Variants in ERO1B observed in about 807,000 individuals in gnomAD.
The protein encoded by ERO1B is ERO1-like protein beta.
Under a neutral mutation model 75.3 loss-of-function variants are expected in ERO1B, and 49 were observed. The observed-to-expected ratio is 0.65, with a 90% CI of 0.52 to 0.83. The LOEUF is 0.83. Among genes scored for constraint, ERO1B ranks in the 40% least tolerant of loss-of-function variants. ERO1B has a pLI of 0.00. For synonymous variants in ERO1B, 191 were observed against 192.9 expected, an observed-to-expected ratio of 0.99 and a Z score of 0.08; for missense variants, 512 against 560.1, an observed-to-expected ratio of 0.91 and a Z score of 0.87.
chr1:236,260,810 A>C (rs924533718), intron 2 of ERO1B, among the ~76,000 whole-genome samples: 1 of 152,108 alleles, frequency 6.6e-6, no homozygotes, highest in Non-Finnish European at 1.5e-5. Flanking sequence ...TTAGAAAGCC[A>C]GTATTTACCC....
chr1:236,254,616 T>A (rs539533963), intron 2 of ERO1B, among the ~76,000 whole-genome samples: 1 of 152,254 alleles, frequency 6.6e-6, no homozygotes, highest in African/African-American at 2.4e-5. Context: ...GATCTTTATT[T>A]TTTTTTTATT....
chr1:236,256,449 G>A (rs1287089112), intron 2 of ERO1B, among the ~76,000 whole-genome samples: 1 of 151,898 alleles, frequency 6.6e-6, no homozygotes, highest in Non-Finnish European at 1.5e-5. Flanking sequence ...CTGCCACCAC[G>A]AATGGAAGGG....
At chr1:236,228,087 T>C (rs1271557998) in intron 10 of ERO1B, among the ~76,000 whole-genome samples, 1 of 152,094 alleles carries the variant, frequency 6.6e-6, no homozygotes, top group Non-Finnish European at 1.5e-5. Flanking sequence ...CTTCCCAACC[T>C]CTCTCTCTAA....
chr1:236,224,976 G>A (rs1664242444), intron 13 of ERO1B, 94 bp downstream of exon 13: 1 of 1,167,606 alleles, frequency 8.6e-7, no homozygotes, highest in South Asian at 1.2e-5. Flanking sequence ...ACAAGAAGCT[G>A]GAAAACTGGG....
At chr1:236,247,302 TTG>T (rs1377451368) in intron 5 of ERO1B, among the ~76,000 whole-genome samples, 2 of 152,174 alleles carry the variant, frequency 1.3e-5, no homozygotes, top group African/African-American at 4.8e-5. Context: ...GACTATAACT[TTG>T]TCTCAGACTT....
At chr1:236,249,631 A>G (rs1664967598) in intron 5 of ERO1B, among the ~76,000 whole-genome samples, 1 of 152,230 alleles carries the variant, frequency 6.6e-6, no homozygotes, top group South Asian at 2.1e-4. Flanking sequence ...AAACCCTGTT[A>G]GCTGAACAAT....
intron 1 of ERO1B, among the ~76,000 whole-genome samples, chr1:236,277,817 A>C (rs1022558967): frequency 1.3e-5 from 2 of 152,226 alleles, no homozygotes; most frequent in African/African-American, 4.8e-5. Context: ...TCAGCTATTT[A>C]ATCTATCCAT....
Position 236,268,467 on chromosome 1 carries a change from C to G in ERO1B, c.222+1408G>C, listed in dbSNP as rs548532598. On this transcript the variant is annotated intron_variant, in intron 2 of 15. Transcript: ENST00000354619. ...AAAAAACAAAAAAAAATTAATTTAG[C>G]TGACGTAAGCCTAGAAAACAAAAAG... Among the ~76,000 whole-genome samples the G allele has an allele frequency of 3.1e-4, 47 of 151,656 alleles. 2 individuals carry two copies. In the South Asian group the frequency reaches 9.4e-3, roughly 30 times the overall value.
Position 236,225,077 on chromosome 1 carries a change from G to A in ERO1B, c.1115C>T (p.Ser372Leu). 1 of 1,614,000 alleles carries A rather than the reference G, an allele frequency of 6.2e-7. No homozygotes were observed. Among genetic ancestry groups the A allele is most frequent in the Non-Finnish European group, 8.5e-7 (1 of 1,179,906 alleles). Reference sequence around the variant, plus strand: ...CAATCGAGAACTTTTTACCTTTAGTGACTTGGCCCCTTTTTTGTCACCTGC... The same window carrying A: ...CAATCGAGAACTTTTTACCTTTAGTAACTTGGCCCCTTTTTTGTCACCTGC... Reference protein sequence around the residue: ...MFAGDKKGAKSLKEEFRLHFK... With the variant: ...MFAGDKKGAKLLKEEFRLHFK... The change falls in exon 13 of 16, where the codon TCA becomes TTA. Residue 372 changes from serine to leucine, a missense_variant. By Grantham distance (145) the Ser-to-Leu change is moderately radical. Coordinates refer to ENST00000354619, the MANE Select transcript of ERO1B (RefSeq NM_019891.4).
intron 2 of ERO1B, among the ~76,000 whole-genome samples, chr1:236,259,260 CA>C (rs1423711536): frequency 2.0e-5 from 3 of 152,028 alleles, no homozygotes; most frequent in African/African-American, 7.2e-5. Context: ...ATAAAAGATT[CA>C]AGGCATACCA....
At chr1:236,225,654 G>A (rs1157312036) in intron 12 of ERO1B, among the ~76,000 whole-genome samples, 1 of 152,156 alleles carries the variant, frequency 6.6e-6, no homozygotes, top group Non-Finnish European at 1.5e-5. Context: ...GTGACTAGAG[G>A]CCAGGCGCGA....
At chr1:236,230,288 G>A (rs1227260810) in intron 9 of ERO1B, 38 bp from the exon 10 acceptor site, 4 of 1,516,842 alleles carry the variant, frequency 2.6e-6, no homozygotes, top group Admixed American at 3.4e-5. Context: ...ACATTATATG[G>A]TCATTTATAA....
At position 236,216,233 on chromosome 1, in the gene ERO1B, A is replaced by T. The variant is rs1663971468; in HGVS notation, c.*2283T>A. 2 of 152,144 alleles carry T rather than the reference A, an allele frequency of 1.3e-5. No homozygotes were observed. Among genetic ancestry groups the T allele is most frequent in the African/African-American group, 2.4e-5 (1 of 41,458 alleles). The allele number at this position is 152,144 out of a possible 1,614,324, so 9.4% of individuals were successfully genotyped here. A position where few individuals can be genotyped will look rare whatever the true frequency, so the allele number is the denominator to read the frequency against. On this transcript the variant is annotated 3_prime_UTR_variant, in exon 16 of 16. Transcript: ENST00000354619. ...TTATATTATCAAGTGCTGGGTTTTT[A>T]AATTAGGTGATGAGATAAAGACAAA...
intron 2 of ERO1B, among the ~76,000 whole-genome samples, chr1:236,262,663 C>T (rs1665318531): frequency 6.6e-6 from 1 of 152,160 alleles, no homozygotes; most frequent in Admixed American, 6.5e-5. Context: ...CCTCGGCCTC[C>T]CAAAGTGCTG....
At chr1:236,218,603 G>A in intron 15 of ERO1B, 27 bp from the exon 16 acceptor site, 1 of 1,325,804 alleles carries the variant, frequency 7.5e-7, no homozygotes. Flanking sequence ...AAGCTTATTA[G>A]TAAGGCTAAC....
chr1:236,226,869 C>CCTG, intron 10 of ERO1B, 130 bp from the exon 11 acceptor site: 1 of 654,204 alleles, frequency 1.5e-6, no homozygotes, highest in Non-Finnish European at 2.6e-6. Flanking sequence ...TAATATAAAA[C>CCTG]TGATTAGATC....
At chr1:236,239,464 A>G (rs1038617243) in intron 6 of ERO1B, among the ~76,000 whole-genome samples, 6 of 152,094 alleles carry the variant, frequency 3.9e-5, no homozygotes, top group Non-Finnish European at 5.9e-5. Context: ...CTATACTGAC[A>G]AGAATTTCAT....
Position 236,253,331 on chromosome 1 carries a change from C to T in ERO1B, c.306+91G>A, listed in dbSNP as rs1344174859. The T allele has an allele frequency of 8.1e-6, 6 of 742,414 alleles. No homozygotes were observed. In the Admixed American group the frequency reaches 1.0e-4, roughly 13 times the overall value. The allele number at this position is 742,414 out of a possible 1,614,324, so 46.0% of individuals were successfully genotyped here. A position where few individuals can be genotyped will look rare whatever the true frequency, so the allele number is the denominator to read the frequency against. ...ATGAATTTGCTGACACATCCAAATC[C>T]ATTGACATTAGCCTGAAATAAAATA... On this transcript the variant is annotated intron_variant, in intron 3 of 15. Transcript: ENST00000354619.
intron 5 of ERO1B, among the ~76,000 whole-genome samples, chr1:236,245,356 A>G (rs1314556536): frequency 1.1e-4 from 8 of 70,598 alleles, no homozygotes; most frequent in South Asian, 4.9e-4. Flanking sequence ...ATATATACAC[A>G]CGTATATATA....
Sources: gnomAD v4.1 joint callset for allele counts (sites outside exome capture counted in the v4.1 genomes callset) on GRCh38, gnomAD v4.1.1 for gene constraint, MANE v1.5 for transcripts, NCBI Gene and HGNC (gene_info 2026-07-23, HGNC 2026-07-21) for gene names.